Variants in KANSL1 observed in about 807,000 individuals in gnomAD.
KANSL1 encodes KAT8 regulatory NSL complex subunit 1, also known as MLL1/MLL complex subunit KANSL1.
Under a neutral mutation model 103.6 loss-of-function variants are expected in KANSL1, and 22 were observed. That is an observed-to-expected ratio of 0.21 (90% CI 0.15 to 0.30). The LOEUF (loss-of-function observed/expected upper bound fraction) is 0.30. KANSL1 is among the 10% of genes least tolerant of loss of function. The probability of loss-of-function intolerance (pLI) is 1.00; values close to 1 mark genes in which losing one functional copy is unlikely to be tolerated. For synonymous variants in KANSL1, 600 were observed against 527.6 expected (o/e 1.14, Z -1.88); for missense variants, 1,337 against 1,399.8 (o/e 0.96, Z 0.72).
chr17:46,051,061 T>C (rs1279140061), intron 6 of KANSL1, among the ~76,000 whole-genome samples: 3 of 152,258 alleles, frequency 2.0e-5, no homozygotes, highest in Non-Finnish European at 2.9e-5. Flanking sequence ...TTTCACGACC[T>C]TGATGGTCCG....
At chr17:46,033,366 C>T (rs756578940) in intron 12 of KANSL1, 37 bp downstream of exon 12, 7 of 1,597,614 alleles carry the variant, frequency 4.4e-6, no homozygotes, top group Admixed American at 1.7e-5. Context: ...TGCATGTGTA[C>T]ACACGTGTTC....
At chr17:46,175,310 CTGTGTGTGTGTGTGTGTGTGTGTGTG>C (rs71138529) in intron 1 of KANSL1, among the ~76,000 whole-genome samples, 32 of 137,476 alleles carry the variant, frequency 2.3e-4, no homozygotes, top group Non-Finnish European at 3.9e-4. Context: ...TGTCTTATTG[CTGTGTGTGTGTGTGTGTGTGTGTGTG>C]TGTGTGTGTG....
At chr17:46,037,834 C>T (rs2077194414) in intron 10 of KANSL1, 1 of 152,152 alleles carries the variant, frequency 6.6e-6, no homozygotes, top group South Asian at 2.1e-4. Flanking sequence ...ATGTATGTTC[C>T]AAGAGGGCAC....
chr17:46,158,665 C>G (rs548083622), intron 2 of KANSL1, among the ~76,000 whole-genome samples: 1 of 152,296 alleles, frequency 6.6e-6, no homozygotes, highest in East Asian at 1.9e-4. Context: ...CTCAGCGTCC[C>G]GAGTAGCTGG....
At chr17:46,139,901 A>T (rs2696598) in intron 2 of KANSL1, among the ~76,000 whole-genome samples, 18,482 of 150,172 alleles carry the variant, frequency 0.12, 24 homozygotes, top group Middle Eastern at 0.19. Context: ...AAAAATTTTT[A>T]AAAATACTTT....
intron 1 of KANSL1, among the ~76,000 whole-genome samples, chr17:46,205,445 G>A (rs1237850608): frequency 6.7e-6 from 1 of 149,664 alleles, no homozygotes; most frequent in Non-Finnish European, 1.5e-5. Flanking sequence ...ACTTTGGGAG[G>A]CCGAGGCAGG....
intron 13 of KANSL1, 29 bp from the exon 14 acceptor site, chr17:46,032,328 G>T: frequency 6.7e-7 from 1 of 1,491,470 alleles, no homozygotes. Context: ...AAATCTGAGT[G>T]CCTGGGAAAT....
intron 2 of KANSL1, among the ~76,000 whole-genome samples, chr17:46,121,171 CCTAA>C (rs1351610091): frequency 7.3e-5 from 11 of 150,610 alleles, no homozygotes; most frequent in East Asian, 4.2e-4. Flanking sequence ...ATAGTAGCCC[CCTAA>C]CTCTTTTTTT....
rs2146306637 is a variant in KANSL1 at position 46,032,156 on chromosome 17, C to A, written c.2981G>T (p.Ser994Ile). The A allele has an allele frequency of 6.2e-7, 1 of 1,613,942 alleles. No individual in the cohort carries two copies. Among genetic ancestry groups the A allele is most frequent in the Non-Finnish European group, 8.5e-7 (1 of 1,179,924 alleles). ...GAGGGGTGCTGAGTGCAGTTCCGGG[C>A]TAATGGGGCTCCTAGGGGACTGACC... ...SHGQSPRSPI[S>I]PELHSAPLTP... Residue 994 changes from serine (S) to isoleucine (I), a missense_variant, in exon 14 of 15, where the codon AGC becomes ATC. Ser to Ile is a moderately radical substitution (Grantham distance 142). Transcript: ENST00000432791.
At chr17:46,156,039 C>T (rs568257657) in intron 2 of KANSL1, among the ~76,000 whole-genome samples, 2 of 152,216 alleles carry the variant, frequency 1.3e-5, no homozygotes, top group Admixed American at 1.3e-4. Context: ...AACTTCTCCT[C>T]CTAAGTAGTT....
In KANSL1 at chr17:46,031,120, C is replaced by T. The variant is rs1007157801; in HGVS notation, c.*356G>A. ...AAGAAGGCCATGCTAAACTGTAGCC[C>T]GCCAGGCTGTTCTGCCCTGCCCACA... On this transcript the variant is annotated 3_prime_UTR_variant, in exon 15 of 15. Coordinates refer to ENST00000432791, the MANE Select transcript of KANSL1 (RefSeq NM_015443.4). The T allele has an allele frequency of 3.7e-5, 11 of 295,294 alleles. No homozygotes were observed. The highest frequency in any genetic ancestry group is 5.5e-5 in the South Asian group (1 of 18,022). 18.3% of individuals were successfully genotyped at this position (295,294 alleles called of 1,614,324 possible). A position where few individuals can be genotyped will look rare whatever the true frequency, so the allele number is the denominator to read the frequency against.
chr17:46,201,192 G>A (rs1418003145), intron 1 of KANSL1, among the ~76,000 whole-genome samples: 2 of 152,184 alleles, frequency 1.3e-5, no homozygotes, highest in Non-Finnish European at 2.9e-5. Context: ...GATTACAGGC[G>A]TGAGCCACCA....
intron 7 of KANSL1, chr17:46,045,199 G>A (rs997082853): frequency 6.6e-6 from 1 of 152,042 alleles, no homozygotes; most frequent in African/African-American, 2.4e-5. Flanking sequence ...GACTTCAGGG[G>A]GTGTGTTATT....
chr17:46,120,470 G>A (rs1202909618), intron 2 of KANSL1, among the ~76,000 whole-genome samples: 4 of 152,208 alleles, frequency 2.6e-5, no homozygotes, highest in African/African-American at 9.7e-5. Context: ...GAGGTCTACT[G>A]TGGATATATG....
intron 2 of KANSL1, among the ~76,000 whole-genome samples, chr17:46,119,120 C>A (rs1385056710): frequency 6.6e-6 from 1 of 152,204 alleles, no homozygotes; most frequent in Non-Finnish European, 1.5e-5. Flanking sequence ...TTGTTCCGGG[C>A]ATTGTGCTAC....
rs901789398 is a variant in KANSL1, at chr17:46,192,966, T to TC, written c.-234dup. 76 of 150,502 alleles carry TC rather than the reference T, an allele frequency of 5.0e-4. 1 individual carries two copies. The highest frequency in any genetic ancestry group is 1.8e-3 in the African/African-American group (74 of 40,862). 9.3% of individuals were successfully genotyped at this position (150,502 alleles called of 1,614,324 possible). ...CTCCGGCCCGGGCCCGCCGCTCTCC[T>TC]CCCCCCGACGCCCGGAGCCGCCCTG... On this transcript the variant is annotated 5_prime_UTR_variant, in exon 1 of 15. Coordinates refer to ENST00000432791, the MANE Select transcript of KANSL1 (RefSeq NM_015443.4).
intron 10 of KANSL1, chr17:46,035,157 A>G (rs971938311): frequency 5.9e-5 from 9 of 152,284 alleles, no homozygotes; most frequent in African/African-American, 2.2e-4. Flanking sequence ...TTAATACCCT[A>G]TCCTGAAACA....
intron 3 of KANSL1, chr17:46,094,323 C>T: frequency 1.9e-6 from 1 of 528,738 alleles, no homozygotes; most frequent in East Asian, 3.8e-5. Context: ...TCTCGAACTC[C>T]TGAGCTCAAA....
chr17:46,097,057 T>C (rs1199777925), intron 2 of KANSL1, among the ~76,000 whole-genome samples: 2 of 152,234 alleles, frequency 1.3e-5, no homozygotes, highest in Admixed American at 6.5e-5. Flanking sequence ...TCTGAGAACA[T>C]AAACTACACA....
Sources: gnomAD v4.1 joint callset for allele counts (sites outside exome capture counted in the v4.1 genomes callset) on GRCh38, gnomAD v4.1.1 for gene constraint, MANE v1.5 for transcripts, NCBI Gene and HGNC (gene_info 2026-07-23, HGNC 2026-07-21) for gene names.